The following SWAP70 variants were observed in gnomAD, a reference collection of about 807,000 sequenced individuals.
SWAP70 encodes switch-associated protein 70.
SWAP70 carries 34 observed loss-of-function variants against 80.2 expected under a neutral mutation model. The ratio of observed to expected loss-of-function variants is 0.42; its 90% CI spans 0.32 to 0.56. The LOEUF (loss-of-function observed/expected upper bound fraction) is 0.56, where lower values mean the gene tolerates loss of function less well. Ranked by LOEUF, SWAP70 falls within the 20% of genes least tolerant of loss-of-function variation. The pLI, the probability that SWAP70 is intolerant of heterozygous loss-of-function variation, is 0.09. For missense variants in SWAP70, 578 were observed against 690.7 expected (o/e 0.84, Z 1.83); for synonymous variants, 239 against 238.5 (o/e 1.00, Z -0.02).
At chr11:9,698,769 T>G (rs1412618446) in intron 2 of SWAP70, among the ~76,000 whole-genome samples, 1 of 152,192 alleles carries the variant, frequency 6.6e-6, no homozygotes, top group South Asian at 2.1e-4. Context: ...CGTGCTTTTT[T>G]CTTTTCTTCA....
intron 1 of SWAP70, 111 bp downstream of exon 1, chr11:9,664,389 G>A: frequency 8.1e-7 from 1 of 1,234,022 alleles, no homozygotes; most frequent in Admixed American, 2.4e-5. Flanking sequence ...GGGCGGGTCG[G>A]AATGCGCCCG....
Position 9,664,141 on chromosome 11 carries a change from C to A in SWAP70, c.-39C>A. ...GGCGTCCGAGGCGCGGAGGGGCTGG[C>A]TGGGCAGGAGGGGTTGGCGGGGCAG... is the stretch of plus-strand genomic sequence containing the variant. On this transcript the variant is annotated 5_prime_UTR_variant, in exon 1 of 12. The change creates a new upstream start codon in the 5' untranslated region. Transcript: ENST00000318950. 6.5e-7 allele frequency: 1 copy of A among 1,528,744 alleles called. No individual in the cohort carries two copies. The highest frequency in any genetic ancestry group is 1.4e-5 in the African/African-American group (1 of 70,866). The allele number at this position is 1,528,744 out of a possible 1,614,324, so 94.7% of individuals were successfully genotyped here.
intron 2 of SWAP70, among the ~76,000 whole-genome samples, chr11:9,695,320 C>T (rs949123074): frequency 3.3e-5 from 5 of 151,632 alleles, no homozygotes; most frequent in African/African-American, 9.7e-5. Context: ...TACGTGCACA[C>T]GTATGTTTAT....
At chr11:9,672,016 T>C (rs1466654759) in intron 1 of SWAP70, among the ~76,000 whole-genome samples, 2 of 119,322 alleles carry the variant, frequency 1.7e-5, no homozygotes, top group Non-Finnish European at 3.2e-5. Flanking sequence ...ATATATATTT[T>C]AATAATATAT....
At chr11:9,727,268 G>A (rs1211013327) in intron 4 of SWAP70, among the ~76,000 whole-genome samples, 1 of 152,068 alleles carries the variant, frequency 6.6e-6, no homozygotes, top group African/African-American at 2.4e-5. Flanking sequence ...TGCGCTTGTA[G>A]TCCCAGCTAC....
At chr11:9,696,778 A>C (rs1279797620) in intron 2 of SWAP70, among the ~76,000 whole-genome samples, 11 of 152,292 alleles carry the variant, frequency 7.2e-5, no homozygotes, top group African/African-American at 2.6e-4. Flanking sequence ...TATAACACCG[A>C]GCATGAAATT....
rs1467948094 is a variant in SWAP70, at chr11:9,749,916, G to A, written c.1704G>A (p.Glu568=). The change falls in exon 12 of 12, where the codon GAG becomes GAA. Residue 568 remains glutamate, a synonymous_variant. Coordinates refer to ENST00000318950, the MANE Select transcript of SWAP70 (RefSeq NM_015055.4). ...ACTGGGGACCTGCAGCTTTCACTGAGGCAGAACTTGAAGAGAGAGAGAAGA... is the reference window on the plus strand; with the variant it reads ...ACTGGGGACCTGCAGCTTTCACTGAAGCAGAACTTGAAGAGAGAGAGAAGA... ...ITNWGPAAFT[E]AELEEREKNW... The A allele has an allele frequency of 1.2e-6, 2 of 1,614,104 alleles. No individual in the cohort carries two copies. Among genetic ancestry groups the A allele is most frequent in the East Asian group, 4.5e-5 (2 of 44,878 alleles).
At chr11:9,725,530 A>AAAATAT (rs1440784787) in intron 4 of SWAP70, among the ~76,000 whole-genome samples, 21 of 60,576 alleles carry the variant, frequency 3.5e-4, no homozygotes, top group African/African-American at 1.4e-3. Flanking sequence ...AAAAATACAA[A>AAAATAT]ATATATATAT....
intron 1 of SWAP70, among the ~76,000 whole-genome samples, chr11:9,671,669 T>C (rs1850400710): frequency 9.1e-6 from 1 of 109,516 alleles, no homozygotes; most frequent in Admixed American, 1.2e-4. Flanking sequence ...TATATAAATA[T>C]ATATAAATAG....
intron 3 of SWAP70, among the ~76,000 whole-genome samples, chr11:9,724,408 G>T (rs1397995816): frequency 1.3e-5 from 2 of 152,144 alleles, no homozygotes; most frequent in African/African-American, 2.4e-5. Flanking sequence ...TTTTAGTTCT[G>T]CAGACAAATA....
intron 1 of SWAP70, among the ~76,000 whole-genome samples, chr11:9,686,038 T>C (rs1406171101): frequency 6.6e-6 from 1 of 152,048 alleles, no homozygotes; most frequent in African/African-American, 2.4e-5. Flanking sequence ...ACTTAATTTT[T>C]TAATTTTCTA....
At chr11:9,693,481 A>AT (rs1850719406) in intron 1 of SWAP70, among the ~76,000 whole-genome samples, 1 of 151,874 alleles carries the variant, frequency 6.6e-6, no homozygotes, top group African/African-American at 2.4e-5. Context: ...TTGCTATTTA[A>AT]TTTTTTCCTG....
At chr11:9,728,724 C>T (rs1358487564) in intron 5 of SWAP70, among the ~76,000 whole-genome samples, 1 of 152,088 alleles carries the variant, frequency 6.6e-6, no homozygotes, top group East Asian at 1.9e-4. Flanking sequence ...ATGAACTGTC[C>T]CCGTGTCTGT....
chr11:9,725,318 T>C (rs4478983), intron 4 of SWAP70, among the ~76,000 whole-genome samples: 53,367 of 150,908 alleles, frequency 0.35, 9,788 homozygotes, highest in African/African-American at 0.42. Context: ...TTTCCAGTCT[T>C]GTATTAGGCT....
At chr11:9,727,000 A>T (rs1344906359) in intron 4 of SWAP70, 3 of 455,890 alleles carry the variant, frequency 6.6e-6, no homozygotes, top group African/African-American at 6.0e-5. Context: ...TTTGGTTTAG[A>T]AGATATATGT....
At chr11:9,691,198 A>C (rs539156567) in intron 1 of SWAP70, among the ~76,000 whole-genome samples, 3 of 152,222 alleles carry the variant, frequency 2.0e-5, no homozygotes, top group South Asian at 2.1e-4. Flanking sequence ...GATTATTGGC[A>C]TAAGCCACCA....
intron 1 of SWAP70, among the ~76,000 whole-genome samples, chr11:9,671,588 A>G (rs369646394): frequency 0.18 from 7,960 of 43,896 alleles, 784 homozygotes; most frequent in African/African-American, 0.28. Context: ...ATATATTTCT[A>G]TATATAAATA....
chr11:9,678,651 T>C (rs1850531137), intron 1 of SWAP70, among the ~76,000 whole-genome samples: 1 of 151,752 alleles, frequency 6.6e-6, no homozygotes, highest in Admixed American at 6.6e-5. Flanking sequence ...TGTATTTCCT[T>C]TGGGGTCTCA....
chr11:9,670,873 C>A (rs1043484666), intron 1 of SWAP70, among the ~76,000 whole-genome samples: 2 of 151,548 alleles, frequency 1.3e-5, no homozygotes, highest in African/African-American at 2.4e-5. Flanking sequence ...CCTGCCTCAG[C>A]CTCCCGAGTA....
Sources: gnomAD v4.1 joint callset for allele counts (sites outside exome capture counted in the v4.1 genomes callset) on GRCh38, gnomAD v4.1.1 for gene constraint, MANE v1.5 for transcripts, NCBI Gene and HGNC (gene_info 2026-07-23, HGNC 2026-07-21) for gene names.